MARCHF10: variants seen among roughly 807,000 people sequenced by gnomAD.
MARCHF10 encodes the protein membrane associated ring-CH-type finger 10, also known as probable E3 ubiquitin-protein ligase MARCHF10.
Under a neutral mutation model 76.2 loss-of-function variants are expected in MARCHF10, and 64 were observed. That is an observed-to-expected ratio of 0.84 (90% CI 0.69 to 1.03). The LOEUF (loss-of-function observed/expected upper bound fraction) is 1.03. Among genes scored for constraint, MARCHF10 ranks in the 50% least tolerant of loss-of-function variants. The pLI is 0.00. For synonymous variants in MARCHF10, 340 were observed against 357.5 expected, an observed-to-expected ratio of 0.95 and a Z score of 0.55; for missense variants, 875 against 958.0, an observed-to-expected ratio of 0.91 and a Z score of 1.14.
chr17:62,722,715 G>A, intron 7 of MARCHF10, 118 bp from the exon 8 acceptor site: 1 of 756,840 alleles, frequency 1.3e-6, no homozygotes, highest in Non-Finnish European at 2.0e-6. Flanking sequence ...GAGCTTCAGT[G>A]ACCTTCCTTT....
intron 6 of MARCHF10, among the ~76,000 whole-genome samples, chr17:62,727,674 A>C (rs888963899): frequency 2.0e-5 from 3 of 152,200 alleles, no homozygotes; most frequent in African/African-American, 7.2e-5. Flanking sequence ...AAAAAAGAAA[A>C]TTAAATAGAA....
At position 62,788,463 on chromosome 17, in the gene MARCHF10, C is replaced by T. The variant is rs991655579; in HGVS notation, c.210+17G>A. The T allele has an allele frequency of 6.2e-7, 1 of 1,613,830 alleles. No homozygotes were observed. The highest frequency in any genetic ancestry group is 8.5e-7 in the Non-Finnish European group (1 of 1,179,946). On this transcript the variant is annotated intron_variant, in intron 3 of 10. Transcript: ENST00000311269. ...CAGCAGCAGCCCCAGGAGACTGTCT[C>T]CCAGAATTCTTCATACCTGTTTGGA...
intron 2 of MARCHF10, among the ~76,000 whole-genome samples, chr17:62,796,274 G>A (rs879363062): frequency 3.3e-5 from 5 of 152,112 alleles, no homozygotes; most frequent in Admixed American, 2.6e-4. Context: ...TTACAGGCAT[G>A]AGCCACTGCG....
chr17:62,746,131 T>G (rs961396880), intron 4 of MARCHF10, among the ~76,000 whole-genome samples: 1 of 152,222 alleles, frequency 6.6e-6, no homozygotes, highest in African/African-American at 2.4e-5. Context: ...TTAAAGTTCT[T>G]TCTGGCAGCC....
intron 4 of MARCHF10, among the ~76,000 whole-genome samples, chr17:62,755,931 A>G (rs964571224): frequency 6.6e-6 from 1 of 151,724 alleles, no homozygotes; most frequent in Non-Finnish European, 1.5e-5. Flanking sequence ...CTGGGCAACA[A>G]AGCAAGACCT....
At chr17:62,793,589 CCCA>C (rs1395482721) in intron 2 of MARCHF10, among the ~76,000 whole-genome samples, 3 of 133,624 alleles carry the variant, frequency 2.2e-5, no homozygotes, top group East Asian at 5.0e-4. Flanking sequence ...ACCATCACCA[CCCA>C]CCACCACCTC....
intron 4 of MARCHF10, among the ~76,000 whole-genome samples, chr17:62,756,994 T>C (rs1333530238): frequency 4.6e-5 from 7 of 152,222 alleles, no homozygotes; most frequent in Non-Finnish European, 1.0e-4. Context: ...GTAGAGGGCA[T>C]TGATAGTTCC....
intron 3 of MARCHF10, among the ~76,000 whole-genome samples, chr17:62,772,922 C>T (rs927463061): frequency 6.6e-5 from 10 of 152,134 alleles, no homozygotes; most frequent in African/African-American, 2.4e-4. Context: ...AATAAAGAAG[C>T]ATGTATATTA....
chr17:62,797,142 C>A (rs139224597), intron 2 of MARCHF10, among the ~76,000 whole-genome samples: 1 of 152,178 alleles, frequency 6.6e-6, no homozygotes, highest in African/African-American at 2.4e-5. Flanking sequence ...GTTATGGCTG[C>A]AAACTTGGTA....
chr17:62,757,797 G>T (rs1333369286), intron 4 of MARCHF10, among the ~76,000 whole-genome samples: 1 of 152,222 alleles, frequency 6.6e-6, no homozygotes, highest in Non-Finnish European at 1.5e-5. Flanking sequence ...TGATGAAATA[G>T]ATATCTTTCT....
chr17:62,734,224 C>A (rs1405203927), intron 6 of MARCHF10, among the ~76,000 whole-genome samples: 1 of 151,788 alleles, frequency 6.6e-6, no homozygotes, highest in East Asian at 1.9e-4. Context: ...GGTAAAAGCT[C>A]AAAGCAAAAA....
chr17:62,722,314 C>T (rs2090532837), intron 8 of MARCHF10, among the ~76,000 whole-genome samples, 174 bp downstream of exon 8: 1 of 148,610 alleles, frequency 6.7e-6, no homozygotes, highest in East Asian at 2.0e-4. Context: ...TTTCAACTCT[C>T]TAATACTCTA....
intron 3 of MARCHF10, among the ~76,000 whole-genome samples, chr17:62,772,312 T>C (rs1043513804): frequency 3.7e-4 from 57 of 152,204 alleles, no homozygotes; most frequent in African/African-American, 1.4e-3. Context: ...TCTGTCGCCA[T>C]GTAAGAAGTG....
intron 3 of MARCHF10, among the ~76,000 whole-genome samples, chr17:62,761,333 C>T (rs1022203325): frequency 6.6e-6 from 1 of 152,182 alleles, no homozygotes; most frequent in Admixed American, 6.6e-5. Context: ...GACTGTTCTC[C>T]CCTTTCCTTT....
At chr17:62,796,648 C>A (rs2092990408) in intron 2 of MARCHF10, among the ~76,000 whole-genome samples, 1 of 152,120 alleles carries the variant, frequency 6.6e-6, no homozygotes, top group Admixed American at 6.5e-5. Context: ...GAGACTCAGC[C>A]CCTGCCCTTA....
chr17:62,701,517 G>A lies in MARCHF10; in HGVS notation c.*186C>T, dbSNP rs1488047436. 8.2e-6 allele frequency: 11 copies of A among 1,346,446 alleles called. No homozygotes were observed. The Admixed American group carries it at 2.2e-4, about 26-fold the overall frequency. The allele number at this position is 1,346,446 out of a possible 1,614,324, so 83.4% of individuals were successfully genotyped here. ...GACCTGTGCTGTCTGGGACTAGACT[G>A]GTCGCTGTGGCTGCCCATAGATGCT... On this transcript the variant is annotated 3_prime_UTR_variant, in exon 11 of 11. Coordinates refer to ENST00000311269, the MANE Select transcript of MARCHF10 (RefSeq NM_152598.4).
chr17:62,777,537 G>C (rs919482077), intron 3 of MARCHF10, among the ~76,000 whole-genome samples: 5 of 151,814 alleles, frequency 3.3e-5, no homozygotes, highest in Non-Finnish European at 5.9e-5. Context: ...AGGCAACATG[G>C]TGAAATCCCA....
At chr17:62,734,051 G>A (rs1168592668) in intron 6 of MARCHF10, among the ~76,000 whole-genome samples, 1 of 152,128 alleles carries the variant, frequency 6.6e-6, no homozygotes, top group Non-Finnish European at 1.5e-5. Context: ...GGGCATGGTG[G>A]TGTGGGCCTG....
At chr17:62,754,459 G>A (rs1466330623) in intron 4 of MARCHF10, among the ~76,000 whole-genome samples, 2 of 152,192 alleles carry the variant, frequency 1.3e-5, no homozygotes, top group East Asian at 1.9e-4. Flanking sequence ...AGTAGTTGGC[G>A]GTGTTGGGAG....
Sources: gnomAD v4.1 joint callset for allele counts (sites outside exome capture counted in the v4.1 genomes callset) on GRCh38, gnomAD v4.1.1 for gene constraint, MANE v1.5 for transcripts, NCBI Gene and HGNC (gene_info 2026-07-23, HGNC 2026-07-21) for gene names.